The following FHOD3 variants were observed in gnomAD, a reference collection of about 807,000 sequenced individuals.
FHOD3 encodes the protein formin homology 2 domain containing 3.
A neutral mutation model predicts 173.0 loss-of-function variants in FHOD3; 90 were observed. The ratio of observed to expected loss-of-function variants is 0.52; its 90% CI spans 0.44 to 0.62. FHOD3 has a LOEUF of 0.62. Ranked by LOEUF, FHOD3 falls within the 20% of genes least tolerant of loss-of-function variation. FHOD3 has a pLI of 0.00. For synonymous variants in FHOD3, 828 were observed against 823.0 expected (o/e 1.01, Z -0.10); for missense variants, 1,945 against 2,034.7 (o/e 0.96, Z 0.85).
rs191836530 is a variant in FHOD3, at chr18:36,448,861, C to T, written c.338-53071C>T. On this transcript the variant is annotated intron_variant, in intron 3 of 28. Transcript: ENST00000590592. Reference sequence around the variant, plus strand: ...TCCTTGCTGTGCCTCTGTGTCTCCTCTGGGGACTTCTCTCCTTGCACTCTC... The same window carrying T: ...TCCTTGCTGTGCCTCTGTGTCTCCTTTGGGGACTTCTCTCCTTGCACTCTC... 7.9e-5 allele frequency among the ~76,000 whole-genome samples: 12 copies of T among 152,074 alleles called. No individual in the cohort carries two copies. In the East Asian group the frequency reaches 2.3e-3, roughly 29 times the overall value.
chr18:36,340,121 AG>A (rs2145441143), intron 1 of FHOD3, among the ~76,000 whole-genome samples: 1 of 152,352 alleles, frequency 6.6e-6, no homozygotes, highest in South Asian at 2.1e-4. Context: ...TGTGAACAAC[AG>A]GGATTTTTAA....
At chr18:36,377,909 A>G (rs562242015) in intron 3 of FHOD3, among the ~76,000 whole-genome samples, 1 of 152,274 alleles carries the variant, frequency 6.6e-6, no homozygotes, top group South Asian at 2.1e-4. Flanking sequence ...TTCCACAAGA[A>G]GCTGCTTCTG....
chr18:36,763,700 A>G (rs2043022060), intron 27 of FHOD3, among the ~76,000 whole-genome samples: 1 of 150,968 alleles, frequency 6.6e-6, no homozygotes, highest in Non-Finnish European at 1.5e-5. Context: ...GTGTATATAT[A>G]TATGTATGGA....
At chr18:36,622,520 GT>G in intron 9 of FHOD3, among the ~76,000 whole-genome samples, 1 of 152,290 alleles carries the variant, frequency 6.6e-6, no homozygotes, top group Non-Finnish European at 1.5e-5. Flanking sequence ...CCTTGCCCAA[GT>G]TTTTAGTTTA....
At chr18:36,309,014 C>G in intron 1 of FHOD3, among the ~76,000 whole-genome samples, 1 of 152,082 alleles carries the variant, frequency 6.6e-6, no homozygotes, top group Non-Finnish European at 1.5e-5. Flanking sequence ...CTGCTAGATC[C>G]TCCAGCAGGA....
At chr18:36,350,164 G>A (rs950804759) in intron 1 of FHOD3, among the ~76,000 whole-genome samples, 1 of 152,166 alleles carries the variant, frequency 6.6e-6, no homozygotes, top group Non-Finnish European at 1.5e-5. Flanking sequence ...ACAAGGAGTG[G>A]AAGGCTCTTT....
chr18:36,421,162 T>G (rs750173046), intron 3 of FHOD3, among the ~76,000 whole-genome samples: 1 of 152,224 alleles, frequency 6.6e-6, no homozygotes, highest in Non-Finnish European at 1.5e-5. Flanking sequence ...GAAAACAATG[T>G]GCTCCTGGGC....
intron 9 of FHOD3, among the ~76,000 whole-genome samples, chr18:36,614,610 A>G (rs1024304655): frequency 6.6e-6 from 1 of 152,166 alleles, no homozygotes; most frequent in South Asian, 2.1e-4. Context: ...TTATATTCCT[A>G]CCAGCACTGT....
intron 13 of FHOD3, among the ~76,000 whole-genome samples, chr18:36,654,391 C>G (rs7237282): frequency 0.052 from 7,874 of 152,184 alleles, 668 homozygotes; most frequent in African/African-American, 0.18. Context: ...TTTTGAGAAG[C>G]CTGTCTACAG....
chr18:36,687,105 T>A (rs1483234833), intron 15 of FHOD3, 23 bp from the exon 16 acceptor site: 2 of 1,581,184 alleles, frequency 1.3e-6, no homozygotes, highest in East Asian at 4.5e-5. Flanking sequence ...TTCCTGTTTG[T>A]TTGTTCTACA....
At chr18:36,522,056 C>T (rs568231777) in intron 5 of FHOD3, among the ~76,000 whole-genome samples, 2 of 152,274 alleles carry the variant, frequency 1.3e-5, no homozygotes, top group African/African-American at 2.4e-5. Context: ...CTATGCATAC[C>T]CTGGTCTTGA....
chr18:36,681,384 T>A, intron 14 of FHOD3, 52 bp from the exon 15 acceptor site: 6 of 1,608,774 alleles, frequency 3.7e-6, no homozygotes, highest in Non-Finnish European at 5.1e-6. Context: ...CTTACTTCAG[T>A]ACTTTTAATC....
At chr18:36,536,444 G>A (rs142280389) in intron 5 of FHOD3, among the ~76,000 whole-genome samples, 16 of 152,324 alleles carry the variant, frequency 1.1e-4, no homozygotes, top group African/African-American at 2.9e-4. Flanking sequence ...GTCAGCGCCC[G>A]CTGTGCCCAT....
At position 36,372,584 on chromosome 18, in the gene FHOD3, T is replaced by A. The variant is rs1303813567; in HGVS notation, c.273-96T>A. ...GTCTCTGCTTCTCTGGATCCCCACT[T>A]AAGTGGGTATGTCAGAACCTTCACG... On this transcript the variant is annotated intron_variant, in intron 2 of 28. Coordinates refer to ENST00000590592, the MANE Select transcript of FHOD3 (RefSeq NM_001281740.3). The A allele has an allele frequency of 6.4e-6, 6 of 935,280 alleles. No individual in the cohort carries two copies. The East Asian group carries it at 1.6e-4, about 24-fold the overall frequency. 57.9% of individuals were successfully genotyped at this position (935,280 alleles called of 1,614,324 possible). A position where few individuals can be genotyped will look rare whatever the true frequency, so the allele number is the denominator to read the frequency against.
intron 1 of FHOD3, among the ~76,000 whole-genome samples, chr18:36,326,438 A>T (rs569914006): frequency 6.6e-6 from 1 of 152,296 alleles, no homozygotes; most frequent in East Asian, 1.9e-4. Flanking sequence ...ATATGTTTAA[A>T]TGGTGTAGAC....
chr18:36,662,376 C>CTT (rs1448797637), intron 14 of FHOD3, among the ~76,000 whole-genome samples: 1 of 152,196 alleles, frequency 6.6e-6, no homozygotes, highest in Admixed American at 6.5e-5. Context: ...GTAGGAACCT[C>CTT]AGGCCCATAC....
chr18:36,408,322 T>A (rs1471080229), intron 3 of FHOD3, among the ~76,000 whole-genome samples: 1 of 152,218 alleles, frequency 6.6e-6, no homozygotes, highest in East Asian at 1.9e-4. Context: ...TGAGACACAG[T>A]CTCAGTTAGT....
chr18:36,657,461 T>A (rs559113643), intron 13 of FHOD3, among the ~76,000 whole-genome samples: 1 of 152,232 alleles, frequency 6.6e-6, no homozygotes, highest in African/African-American at 2.4e-5. Context: ...TCAAATCTCA[T>A]GTAAACCTCA....
intron 7 of FHOD3, among the ~76,000 whole-genome samples, chr18:36,598,671 C>T (rs762874204): frequency 7.9e-5 from 12 of 152,092 alleles, no homozygotes; most frequent in Non-Finnish European, 1.3e-4. Flanking sequence ...CTGCCTCAGC[C>T]TCCCGAGTAG....
Sources: gnomAD v4.1 joint callset for allele counts (sites outside exome capture counted in the v4.1 genomes callset) on GRCh38, gnomAD v4.1.1 for gene constraint, MANE v1.5 for transcripts, NCBI Gene and HGNC (gene_info 2026-07-23, HGNC 2026-07-21) for gene names.